ERO1A: variants seen among roughly 807,000 people sequenced by gnomAD.
ERO1A encodes the protein ERO1-like protein alpha.
ERO1A carries 49 observed loss-of-function variants against 76.9 expected under a neutral mutation model. That is an observed-to-expected ratio of 0.64 (90% CI 0.51 to 0.81). ERO1A has a LOEUF of 0.81. ERO1A is among the 30% of genes least tolerant of loss of function. The pLI, the probability that ERO1A is intolerant of heterozygous loss-of-function variation, is 0.00. For missense variants in ERO1A, 448 were observed against 542.1 expected, an observed-to-expected ratio of 0.83 and a Z score of 1.72; for synonymous variants, 174 against 181.2, an observed-to-expected ratio of 0.96 and a Z score of 0.32.
Position 52,686,799 on chromosome 14 carries a change from G to A in ERO1A, c.115-2892C>T, listed in dbSNP as rs1040338108. On this transcript the variant is annotated intron_variant, in intron 1 of 15. Coordinates refer to ENST00000395686, the MANE Select transcript of ERO1A (RefSeq NM_014584.3). ...CTGAGGCCGGAGAATCGCTTGAACC[G>A]GGGAGGCAGAGATTGCAGTGAGCCA... Among the ~76,000 whole-genome samples, 6 of 151,928 alleles carry A rather than the reference G, an allele frequency of 3.9e-5. No homozygotes were observed. The East Asian group carries it at 7.8e-4, about 20-fold the overall frequency.
intron 15 of ERO1A, among the ~76,000 whole-genome samples, chr14:52,645,645 A>G (rs1200083144): frequency 2.0e-5 from 3 of 152,110 alleles, no homozygotes; most frequent in African/African-American, 7.2e-5. Flanking sequence ...TACTAATTGT[A>G]TATGTCTACA....
intron 6 of ERO1A, among the ~76,000 whole-genome samples, chr14:52,668,411 G>C (rs2040484220): frequency 6.6e-6 from 1 of 151,986 alleles, no homozygotes; most frequent in African/African-American, 2.4e-5. Flanking sequence ...CGGGCATGGT[G>C]ATGCATGCCT....
intron 15 of ERO1A, among the ~76,000 whole-genome samples, chr14:52,645,406 G>A (rs1440965486): frequency 3.3e-5 from 5 of 150,006 alleles, no homozygotes; most frequent in East Asian, 2.0e-4. Flanking sequence ...GGGTTCAAGC[G>A]ATTCTTCTGC....
chr14:52,657,885 T>C, intron 11 of ERO1A, 32 bp downstream of exon 11: 1 of 1,436,224 alleles, frequency 7.0e-7, no homozygotes, highest in Non-Finnish European at 9.7e-7. Flanking sequence ...AAATTAAGAG[T>C]GGTAGACTGA....
rs926201459 is a variant in ERO1A, at chr14:52,695,501, C to G, written c.-20G>C. ...GCCCATTGCAGCTCCGGCAGCTTGT[C>G]GCCCCACGCTTGGGAGGCCAGTCCG... On this transcript the variant is annotated 5_prime_UTR_variant, in exon 1 of 16. Transcript: ENST00000395686. 13 of 1,472,986 alleles carry G rather than the reference C, an allele frequency of 8.8e-6. No individual in the cohort carries two copies. The highest frequency in any genetic ancestry group is 1.2e-5 in the Non-Finnish European group (13 of 1,103,178). 91.2% of individuals were successfully genotyped at this position (1,472,986 alleles called of 1,614,324 possible). A position where few individuals can be genotyped will look rare whatever the true frequency, so the allele number is the denominator to read the frequency against.
chr14:52,671,756 TAAAG>T (rs770116077), intron 5 of ERO1A, 35 bp downstream of exon 5: 22 of 1,583,106 alleles, frequency 1.4e-5, no homozygotes, highest in Admixed American at 3.5e-5. Context: ...ATATGTAACA[TAAAG>T]AAACATGAAA....
chr14:52,688,307 A>C (rs2041244907), intron 1 of ERO1A, among the ~76,000 whole-genome samples: 1 of 152,178 alleles, frequency 6.6e-6, no homozygotes, highest in South Asian at 2.1e-4. Context: ...CCCTCAAGGA[A>C]CAGGTAGTGT....
chr14:52,694,507 C>T (rs2041477524), intron 1 of ERO1A, among the ~76,000 whole-genome samples: 2 of 152,102 alleles, frequency 1.3e-5, no homozygotes, highest in African/African-American at 2.4e-5. Context: ...GCAAAATCCA[C>T]TTAGGAATAA....
chr14:52,658,893 A>G (rs1326781572), intron 9 of ERO1A, among the ~76,000 whole-genome samples: 2 of 152,198 alleles, frequency 1.3e-5, no homozygotes, highest in Non-Finnish European at 2.9e-5. Flanking sequence ...GTAAAGATTC[A>G]TGTATGCATT....
At chr14:52,652,129 G>A (rs1389774924) in intron 13 of ERO1A, 110 bp downstream of exon 13, 2 of 603,070 alleles carry the variant, frequency 3.3e-6, no homozygotes, top group African/African-American at 1.9e-5. Context: ...ACTGCCCCTG[G>A]CCTACTCTCT....
chr14:52,649,506 C>T (rs2039779399), intron 13 of ERO1A, among the ~76,000 whole-genome samples: 1 of 152,142 alleles, frequency 6.6e-6, no homozygotes, highest in Non-Finnish European at 1.5e-5. Flanking sequence ...TACATCAAGA[C>T]TCTCTACCTA....
intron 10 of ERO1A, 36 bp downstream of exon 10, chr14:52,658,088 A>T: frequency 6.6e-7 from 1 of 1,507,116 alleles, no homozygotes; most frequent in South Asian, 1.2e-5. Flanking sequence ...TGAGAAAAAA[A>T]CCATCATTGA....
chr14:52,671,557 T>A (rs911197117), intron 6 of ERO1A, 73 bp downstream of exon 6: 1 of 1,079,194 alleles, frequency 9.3e-7, no homozygotes, highest in Non-Finnish European at 1.4e-6. Flanking sequence ...CATGCCCAGA[T>A]TAAAATAATT....
At chr14:52,682,602 G>C (rs2041034856) in intron 2 of ERO1A, among the ~76,000 whole-genome samples, 194 bp from the exon 3 acceptor site, 1 of 152,120 alleles carries the variant, frequency 6.6e-6, no homozygotes, top group Admixed American at 6.5e-5. Flanking sequence ...GACTTGGTTA[G>C]AAAGACACAG....
At chr14:52,678,327 G>T in intron 4 of ERO1A, 107 bp downstream of exon 4, 1 of 746,266 alleles carries the variant, frequency 1.3e-6, no homozygotes, top group South Asian at 1.9e-5. Flanking sequence ...ACCTCTCAAG[G>T]GGTTTCACCA....
chr14:52,671,496 G>T (rs2040595531), intron 6 of ERO1A, 134 bp downstream of exon 6: 1 of 580,652 alleles, frequency 1.7e-6, no homozygotes, highest in East Asian at 3.0e-5. Flanking sequence ...CTGGGCTCCA[G>T]TGATTCTCCT....
chr14:52,657,902 G>A lies in ERO1A; in HGVS notation c.808+15C>T. 6.4e-7 allele frequency: 1 copy of A among 1,556,780 alleles called. No individual in the cohort carries two copies. Among genetic ancestry groups the A allele is most frequent in the Non-Finnish European group, 8.8e-7 (1 of 1,141,726 alleles). ...ATTAAGAGTGGTAGACTGAATAAAA[G>A]TAAATGTCACATACCTTGTAAAAGA... On this transcript the variant is annotated intron_variant, in intron 11 of 15. Transcript: ENST00000395686.
intron 1 of ERO1A, among the ~76,000 whole-genome samples, chr14:52,694,579 A>G (rs2041482156): frequency 6.6e-6 from 1 of 152,154 alleles, no homozygotes; most frequent in Admixed American, 6.5e-5. Flanking sequence ...GTCAACCAAA[A>G]AGTGGCTTTG....
At chr14:52,672,624 G>T (rs1401094463) in intron 4 of ERO1A, among the ~76,000 whole-genome samples, 1 of 151,728 alleles carries the variant, frequency 6.6e-6, no homozygotes, top group Non-Finnish European at 1.5e-5. Flanking sequence ...ATTTTAATTA[G>T]CTGGACATGG....
Sources: gnomAD v4.1 joint callset for allele counts (sites outside exome capture counted in the v4.1 genomes callset) on GRCh38, gnomAD v4.1.1 for gene constraint, MANE v1.5 for transcripts, NCBI Gene and HGNC (gene_info 2026-07-23, HGNC 2026-07-21) for gene names.